Variants in NKAIN2 observed in about 807,000 individuals in gnomAD.
NKAIN2 encodes sodium/potassium-transporting ATPase subunit beta-1-interacting protein 2.
Under a neutral mutation model 32.6 loss-of-function variants are expected in NKAIN2, and 14 were observed. The observed-to-expected ratio is 0.43, with a 90% CI of 0.28 to 0.67. NKAIN2 has a LOEUF of 0.67. NKAIN2 is among the 30% of genes least tolerant of loss of function. The pLI is 0.17. For missense variants in NKAIN2, 198 were observed against 258.3 expected, an observed-to-expected ratio of 0.77 and a Z score of 1.60; for synonymous variants, 80 against 87.2, an observed-to-expected ratio of 0.92 and a Z score of 0.46.
At chr6:124,006,187 T>C (rs767672879) in intron 1 of NKAIN2, among the ~76,000 whole-genome samples, 1 of 152,156 alleles carries the variant, frequency 6.6e-6, no homozygotes, top group African/African-American at 2.4e-5. Context: ...GCACTTTCTA[T>C]AGCGTCTTTA....
At chr6:124,132,805 C>T (rs1786543580) in intron 1 of NKAIN2, among the ~76,000 whole-genome samples, 1 of 152,194 alleles carries the variant, frequency 6.6e-6, no homozygotes, top group African/African-American at 2.4e-5. Flanking sequence ...TTTCCTGGCA[C>T]CAACACAGAG....
At chr6:123,900,160 C>T (rs796214109) in intron 1 of NKAIN2, among the ~76,000 whole-genome samples, 1 of 151,994 alleles carries the variant, frequency 6.6e-6, no homozygotes, top group African/African-American at 2.4e-5. Flanking sequence ...TTTCATATAC[C>T]TTCCAATAAA....
chr6:124,686,317 G>C (rs894477688), intron 4 of NKAIN2, among the ~76,000 whole-genome samples: 8 of 152,078 alleles, frequency 5.3e-5, no homozygotes, highest in Admixed American at 3.9e-4. Context: ...AAAGAAAAAA[G>C]GTTTAACTGG....
chr6:123,952,686 T>C (rs1777383926), intron 1 of NKAIN2, among the ~76,000 whole-genome samples: 1 of 152,262 alleles, frequency 6.6e-6, no homozygotes, highest in Non-Finnish European at 1.5e-5. Flanking sequence ...GTTGAAGCTT[T>C]TGAATATATT....
intron 1 of NKAIN2, among the ~76,000 whole-genome samples, chr6:123,911,809 A>ATATATATATATATATATG (rs1554222371): frequency 9.8e-6 from 1 of 102,010 alleles, no homozygotes; most frequent in East Asian, 2.5e-4. Context: ...ATGTATATAT[A>ATATATATATATATATATG]TATACACACA....
intron 1 of NKAIN2, among the ~76,000 whole-genome samples, chr6:124,212,728 A>G (rs1562425702): frequency 6.6e-6 from 1 of 152,030 alleles, no homozygotes; most frequent in Non-Finnish European, 1.5e-5. Flanking sequence ...TCTAAATCTC[A>G]TTTTTATGCA....
intron 1 of NKAIN2, among the ~76,000 whole-genome samples, chr6:123,991,677 A>G (rs1321399432): frequency 6.6e-6 from 1 of 152,086 alleles, no homozygotes; most frequent in Non-Finnish European, 1.5e-5. Flanking sequence ...CCTGGCTAAC[A>G]CGGTGAAACC....
chr6:124,345,916 T>C (rs1337404897), intron 2 of NKAIN2, among the ~76,000 whole-genome samples: 1 of 152,206 alleles, frequency 6.6e-6, no homozygotes, highest in African/African-American at 2.4e-5. Context: ...GTTCTTTTAA[T>C]TGTGATGTTA....
chr6:124,194,326 T>C (rs1371153840), intron 1 of NKAIN2, among the ~76,000 whole-genome samples: 2 of 152,140 alleles, frequency 1.3e-5, no homozygotes, highest in African/African-American at 4.8e-5. Context: ...CATTTTTTTG[T>C]GTTTACCATT....
intron 3 of NKAIN2, among the ~76,000 whole-genome samples, chr6:124,412,214 C>T (rs1774225387): frequency 6.6e-6 from 1 of 152,178 alleles, no homozygotes; most frequent in Non-Finnish European, 1.5e-5. Context: ...TGTTCCATTG[C>T]TGGTGAGGAG....
intron 3 of NKAIN2, among the ~76,000 whole-genome samples, chr6:124,467,247 C>T (rs1259376744): frequency 4.6e-5 from 7 of 151,916 alleles, no homozygotes; most frequent in Admixed American, 2.0e-4. Flanking sequence ...GAACACATAC[C>T]GAACACCAAG....
intron 1 of NKAIN2, among the ~76,000 whole-genome samples, chr6:124,079,153 C>A (rs1469867568): frequency 6.6e-6 from 1 of 151,888 alleles, no homozygotes; most frequent in East Asian, 1.9e-4. Context: ...GAAACCCCGT[C>A]TCTACTAAAA....
In NKAIN2 at chr6:124,342,749, C is replaced by A. The variant is rs947882280; in HGVS notation, c.193-12518C>A. On this transcript the variant is annotated intron_variant, in intron 2 of 6. Transcript: ENST00000368417. Reference sequence around the variant, plus strand: ...CTTGAACTCCTGGGCTAAGGATTTGCCCACTTCAGCCTCCAAAAGTACTGG... The same window carrying A: ...CTTGAACTCCTGGGCTAAGGATTTGACCACTTCAGCCTCCAAAAGTACTGG... Among the ~76,000 whole-genome samples the A allele has an allele frequency of 2.6e-5, 4 of 151,668 alleles. No homozygotes were observed. The East Asian group carries it at 7.8e-4, about 30-fold the overall frequency.
intron 1 of NKAIN2, among the ~76,000 whole-genome samples, chr6:123,944,563 A>T (rs114399324): frequency 0.027 from 4,166 of 152,160 alleles, 162 homozygotes; most frequent in African/African-American, 0.09. Flanking sequence ...CATCCAGATA[A>T]TTGTAGCCTT....
intron 1 of NKAIN2, among the ~76,000 whole-genome samples, chr6:123,947,016 G>A (rs1777094056): frequency 1.3e-5 from 2 of 152,176 alleles, no homozygotes; most frequent in South Asian, 4.1e-4. Context: ...TCTTTATTGA[G>A]CTCTTGTATG....
At chr6:124,200,917 C>T (rs191331903) in intron 1 of NKAIN2, among the ~76,000 whole-genome samples, 1 of 152,080 alleles carries the variant, frequency 6.6e-6, no homozygotes, top group Non-Finnish European at 1.5e-5. Flanking sequence ...AGAACACAGT[C>T]TTGTCATAGG....
chr6:124,462,877 A>G (rs62437478), intron 3 of NKAIN2, among the ~76,000 whole-genome samples: 27 of 152,032 alleles, frequency 1.8e-4, no homozygotes, highest in Non-Finnish European at 4.0e-4. Flanking sequence ...TATGATTGAA[A>G]TCTGCCTAAT....
At chr6:124,719,600 A>G (rs557220168) in intron 4 of NKAIN2, among the ~76,000 whole-genome samples, 1 of 152,010 alleles carries the variant, frequency 6.6e-6, no homozygotes, top group Non-Finnish European at 1.5e-5. Flanking sequence ...GTTTTGTTTT[A>G]CTTTCCCAAA....
chr6:124,052,592 A>G (rs1782463295), intron 1 of NKAIN2, among the ~76,000 whole-genome samples: 1 of 152,116 alleles, frequency 6.6e-6, no homozygotes, highest in South Asian at 2.1e-4. Flanking sequence ...AAATGAGTAA[A>G]ACACTTTTGT....
Sources: allele counts gnomAD v4.1 joint callset (sites outside exome capture counted in the v4.1 genomes callset), GRCh38; gene constraint gnomAD v4.1.1; transcripts MANE v1.5; gene names NCBI Gene and HGNC (gene_info 2026-07-23, HGNC 2026-07-21).